The following WNK2 variants were observed in gnomAD, a reference collection of about 807,000 sequenced individuals.
The protein encoded by WNK2 is serine/threonine-protein kinase WNK2.
In WNK2, 67 loss-of-function variants were observed where a neutral mutation model predicts 192.1. The ratio of observed to expected loss-of-function variants is 0.35; its 90% CI spans 0.29 to 0.43. The LOEUF (loss-of-function observed/expected upper bound fraction) is 0.43. Among genes scored for constraint, WNK2 ranks in the 20% least tolerant of loss-of-function variants. The pLI is 1.00. For synonymous variants in WNK2, 1,439 were observed against 1,393.9 expected (o/e 1.03, Z -0.72); for missense variants, 2,698 against 3,089.7 (o/e 0.87, Z 3.01).
At chr9:93,280,681 A>G (rs925824555) in intron 19 of WNK2, among the ~76,000 whole-genome samples, 1 of 152,326 alleles carries the variant, frequency 6.6e-6, no homozygotes, top group Non-Finnish European at 1.5e-5. Flanking sequence ...CATTGAAGTC[A>G]GATCCTTTCC....
At chr9:93,211,747 A>G (rs1012177847) in intron 2 of WNK2, among the ~76,000 whole-genome samples, 2 of 151,596 alleles carry the variant, frequency 1.3e-5, no homozygotes, top group African/African-American at 4.9e-5. Flanking sequence ...AGTCACTCAT[A>G]CATTCACTCA....
intron 29 of WNK2, 81 bp downstream of exon 29, chr9:93,317,712 T>C (rs1458120838): frequency 6.5e-6 from 10 of 1,528,914 alleles, no homozygotes; most frequent in Non-Finnish European, 8.9e-6. Context: ...AGCTCCAGTG[T>C]CCTGGGGGCC....
At chr9:93,256,782 G>T in intron 10 of WNK2, 166 bp from the exon 11 acceptor site, 1 of 708,110 alleles carries the variant, frequency 1.4e-6, no homozygotes, top group Non-Finnish European at 2.3e-6. Context: ...GTGTCTGAAT[G>T]TGTATACGTG....
chr9:93,317,735 G>C (rs1357433036), intron 29 of WNK2, 104 bp downstream of exon 29: 18 of 1,495,034 alleles, frequency 1.2e-5, no homozygotes, highest in Non-Finnish European at 1.5e-5. Flanking sequence ...GGGCAGGCCA[G>C]GTGGGCCAGC....
intron 2 of WNK2, among the ~76,000 whole-genome samples, chr9:93,218,884 C>T (rs953389115): frequency 1.3e-5 from 2 of 152,208 alleles, no homozygotes; most frequent in African/African-American, 2.4e-5. Flanking sequence ...CCCCTGCCTC[C>T]GAAGGAGAAC....
chr9:93,289,751 A>T, intron 20 of WNK2, 131 bp downstream of exon 20: 1 of 1,020,136 alleles, frequency 9.8e-7, no homozygotes, highest in Non-Finnish European at 1.4e-6. Context: ...TCTCTTGGTG[A>T]CCCACCCACG....
intron 19 of WNK2, among the ~76,000 whole-genome samples, chr9:93,287,835 C>T (rs902193387): frequency 1.3e-5 from 2 of 152,064 alleles, no homozygotes; most frequent in African/African-American, 2.4e-5. Context: ...CTGAGGCCAG[C>T]GGATTGCTTG....
chr9:93,200,602 C>T (rs868350410), intron 2 of WNK2, among the ~76,000 whole-genome samples: 3 of 152,210 alleles, frequency 2.0e-5, no homozygotes, highest in Non-Finnish European at 4.4e-5. Context: ...GTGAACTTGG[C>T]ACCCTCGTTT....
chr9:93,299,956 C>T (rs1184802280), intron 25 of WNK2, 95 bp from the exon 26 acceptor site: 6 of 990,032 alleles, frequency 6.1e-6, no homozygotes, highest in South Asian at 2.8e-5. Context: ...TGTTAAGTGA[C>T]GAGGCTGGTG....
At position 93,310,765 on chromosome 9, in the gene WNK2, A is replaced by G. The variant is rs143071651; in HGVS notation, c.6516+2181A>G. ...TGAATGGTTTATTTCATTTGATACA[A>G]TGTTTTCAAGGTGCATCCATGTTGT... On this transcript the variant is annotated intron_variant, in intron 28 of 29. Coordinates refer to ENST00000427277, the MANE Select transcript of WNK2 (RefSeq NM_006648.4). Among the ~76,000 whole-genome samples, 209 of 152,272 alleles carry G rather than the reference A, an allele frequency of 1.4e-3. 1 individual carries two copies. Among genetic ancestry groups the G allele is most frequent in the Middle Eastern group, 6.8e-3 (2 of 294 alleles).
intron 2 of WNK2, among the ~76,000 whole-genome samples, chr9:93,211,241 T>TCCAC (rs1834562980): frequency 0.021 from 93 of 4,484 alleles, 33 homozygotes; most frequent in Middle Eastern, 0.12. Context: ...CACTCACTCA[T>TCCAC]TCACTCACTC....
chr9:93,185,133 G>A lies in WNK2; in HGVS notation c.204G>A (p.Pro68=). The A allele has an allele frequency of 7.7e-7, 1 of 1,302,748 alleles. No homozygotes were observed. The highest frequency in any genetic ancestry group is 2.9e-4 in the Middle Eastern group (1 of 3,424). 80.7% of individuals were successfully genotyped at this position (1,302,748 alleles called of 1,614,324 possible). The part of the protein sequence containing the change: ...EAAEAPGPQP[P]QPLQRRVLLL... Reference sequence around the variant, plus strand: ...CCGAGGCGCCGGGCCCGCAGCCCCCGCAGCCCCTGCAGCGCCGGGTGCTTC... The same window carrying A: ...CCGAGGCGCCGGGCCCGCAGCCCCCACAGCCCCTGCAGCGCCGGGTGCTTC... The change falls in exon 2 of 30, where the codon CCG becomes CCA. Residue 68 remains proline (P), a synonymous_variant. Coordinates refer to ENST00000427277, the MANE Select transcript of WNK2 (RefSeq NM_006648.4).
chr9:93,230,325 A>G (rs1181974810), intron 3 of WNK2, among the ~76,000 whole-genome samples: 1 of 152,136 alleles, frequency 6.6e-6, no homozygotes, highest in Non-Finnish European at 1.5e-5. Context: ...TGGACCCTGC[A>G]GCCTTGGGCA....
Position 93,221,564 on chromosome 9 carries a change from G to A in WNK2, c.682-8132G>A, listed in dbSNP as rs181111346. On this transcript the variant is annotated intron_variant, in intron 2 of 29. Transcript: ENST00000427277. ...TGGACACCCCAAGTAATTGGCACAA[G>A]AGCTCCATCTGGCTCAGTAACGGAG... Among the ~76,000 whole-genome samples, 140 of 152,322 alleles carry A rather than the reference G, an allele frequency of 9.2e-4. 1 individual carries two copies. Among genetic ancestry groups the A allele is most frequent in the African/African-American group, 2.9e-3 (119 of 41,576 alleles).
intron 19 of WNK2, among the ~76,000 whole-genome samples, chr9:93,271,572 A>G (rs1846011055): frequency 6.6e-6 from 1 of 152,238 alleles, no homozygotes. Context: ...AGAAGAAACA[A>G]ATGGAATTTT....
chr9:93,189,495 G>T (rs1024526276), intron 2 of WNK2, among the ~76,000 whole-genome samples: 13 of 152,326 alleles, frequency 8.5e-5, no homozygotes, highest in Admixed American at 7.2e-4. Flanking sequence ...CCACCCAGAG[G>T]GGGCAGGGCT....
intron 29 of WNK2, chr9:93,319,196 T>G: frequency 6.2e-7 from 1 of 1,613,088 alleles, no homozygotes; most frequent in Non-Finnish European, 8.5e-7. Context: ...AAATAAACAC[T>G]TTTGCTCGAA....
intron 11 of WNK2, among the ~76,000 whole-genome samples, chr9:93,258,083 G>A (rs769161358): frequency 6.6e-6 from 1 of 152,234 alleles, no homozygotes; most frequent in African/African-American, 2.4e-5. Context: ...TAGGACGTTA[G>A]GCAGCTTCAG....
intron 2 of WNK2, among the ~76,000 whole-genome samples, chr9:93,227,935 G>T (rs753695797): frequency 6.6e-6 from 1 of 152,244 alleles, no homozygotes; most frequent in Non-Finnish European, 1.5e-5. Context: ...AGGAAGGGCA[G>T]TCCCCATCCC....
Sources: gnomAD v4.1 joint callset for allele counts (sites outside exome capture counted in the v4.1 genomes callset) on GRCh38, gnomAD v4.1.1 for gene constraint, MANE v1.5 for transcripts, NCBI Gene and HGNC (gene_info 2026-07-23, HGNC 2026-07-21) for gene names.